PRKCA: variants seen among roughly 807,000 people sequenced by gnomAD.
PRKCA encodes protein kinase C alpha.
A neutral mutation model predicts 87.0 loss-of-function variants in PRKCA; 27 were observed. The observed-to-expected ratio is 0.31, with a 90% CI of 0.23 to 0.43. PRKCA has a LOEUF of 0.43. Ranked by LOEUF, PRKCA falls within the 20% of genes least tolerant of loss-of-function variation. PRKCA has a pLI of 1.00. For synonymous variants in PRKCA, 329 were observed against 311.1 expected, an observed-to-expected ratio of 1.06 and a Z score of -0.61; for missense variants, 518 against 852.3, an observed-to-expected ratio of 0.61 and a Z score of 4.88.
At chr17:66,503,632 CTA>C (rs1916846333) in intron 3 of PRKCA, among the ~76,000 whole-genome samples, 1 of 152,164 alleles carries the variant, frequency 6.6e-6, no homozygotes, top group African/African-American at 2.4e-5. Context: ...CCGTGGAGGA[CTA>C]TATGTCTAGA....
intron 3 of PRKCA, among the ~76,000 whole-genome samples, chr17:66,520,120 T>C (rs1428072299): frequency 2.1e-5 from 3 of 140,246 alleles, no homozygotes; most frequent in African/African-American, 8.7e-5. Flanking sequence ...CCATCCACAC[T>C]AATAATTTTT....
intron 5 of PRKCA, among the ~76,000 whole-genome samples, chr17:66,679,800 C>A (rs542675086): frequency 1.2e-4 from 19 of 152,322 alleles, no homozygotes; most frequent in African/African-American, 3.8e-4. Flanking sequence ...AATACATCAG[C>A]AAGCGAAAGT....
intron 13 of PRKCA, among the ~76,000 whole-genome samples, chr17:66,744,138 C>T (rs1258853923): frequency 6.6e-6 from 1 of 152,160 alleles, no homozygotes; most frequent in Admixed American, 6.5e-5. Context: ...GACACATAGA[C>T]TTCATTTAGA....
At chr17:66,695,331 C>T (rs116365783) in intron 8 of PRKCA, among the ~76,000 whole-genome samples, 2,121 of 152,306 alleles carry the variant, frequency 0.014, 49 homozygotes, top group African/African-American at 0.049. Context: ...TTTCACAAAA[C>T]GAAACATACG....
At chr17:66,581,257 T>G (rs1261147421) in intron 3 of PRKCA, among the ~76,000 whole-genome samples, 1 of 152,194 alleles carries the variant, frequency 6.6e-6, no homozygotes, top group African/African-American at 2.4e-5. Context: ...GCGCATATGG[T>G]CTTCGTTGCA....
Position 66,805,679 on chromosome 17 carries a change from C to T in PRKCA, c.*1642C>T, listed in dbSNP as rs555200375. The T allele has an allele frequency of 6.6e-6, 1 of 152,338 alleles. No individual in the cohort carries two copies. The highest frequency in any genetic ancestry group is 2.1e-4 in the South Asian group (1 of 4,824). 9.4% of individuals were successfully genotyped at this position (152,338 alleles called of 1,614,324 possible). On this transcript the variant is annotated 3_prime_UTR_variant, in exon 17 of 17. Coordinates refer to ENST00000413366, the MANE Select transcript of PRKCA (RefSeq NM_002737.3). ...TTAGTTTCTTCATGTCACCTTTCGTCCTGGTTCCTCCGCCACTCTTCCTCT... is the reference window on the plus strand; with the variant it reads ...TTAGTTTCTTCATGTCACCTTTCGTTCTGGTTCCTCCGCCACTCTTCCTCT...
chr17:66,419,606 T>A (rs1217816865), intron 2 of PRKCA, among the ~76,000 whole-genome samples: 1 of 152,192 alleles, frequency 6.6e-6, no homozygotes, highest in Non-Finnish European at 1.5e-5. Context: ...AAAATGCCCA[T>A]ATTGTATCTG....
intron 3 of PRKCA, among the ~76,000 whole-genome samples, chr17:66,546,330 T>A (rs1968143501): frequency 6.6e-6 from 1 of 152,224 alleles, no homozygotes. Flanking sequence ...GCTGTATTAG[T>A]TTCTAAGGCT....
At chr17:66,775,794 A>G (rs925198284) in intron 14 of PRKCA, 3 of 978,836 alleles carry the variant, frequency 3.1e-6, no homozygotes, top group Non-Finnish European at 3.6e-6. Flanking sequence ...GTGCATGGCC[A>G]TAAGGATGAA....
intron 8 of PRKCA, among the ~76,000 whole-genome samples, chr17:66,731,821 G>A: frequency 9.3e-6 from 1 of 108,054 alleles, no homozygotes; most frequent in Non-Finnish European, 1.7e-5. Context: ...GTCTTGCTCT[G>A]TCGCCAGGCT....
intron 5 of PRKCA, among the ~76,000 whole-genome samples, chr17:66,659,399 G>A (rs1971829567): frequency 6.6e-6 from 1 of 152,106 alleles, no homozygotes; most frequent in South Asian, 2.1e-4. Context: ...GCCATGAGGA[G>A]ACTCTGTGGA....
intron 3 of PRKCA, among the ~76,000 whole-genome samples, chr17:66,518,399 C>T (rs1373223898): frequency 3.3e-5 from 5 of 152,104 alleles, no homozygotes; most frequent in Non-Finnish European, 7.4e-5. Context: ...ACTCCTGTTT[C>T]GTAAGATATT....
chr17:66,514,713 C>G (rs1266407971), intron 3 of PRKCA, among the ~76,000 whole-genome samples: 2 of 151,958 alleles, frequency 1.3e-5, no homozygotes, highest in Non-Finnish European at 2.9e-5. Context: ...TACCCGTGCT[C>G]CAAGCAGGAG....
rs141331375 is a variant in PRKCA, at chr17:66,551,535, C to T, written c.288+55252C>T. Among the ~76,000 whole-genome samples, 277 of 152,330 alleles carry T rather than the reference C, an allele frequency of 1.8e-3. 1 individual carries two copies. Among genetic ancestry groups the T allele is most frequent in the African/African-American group, 6.3e-3 (260 of 41,570 alleles). On this transcript the variant is annotated intron_variant, in intron 3 of 16. Coordinates refer to ENST00000413366, the MANE Select transcript of PRKCA (RefSeq NM_002737.3). ...TTCCATCAGAGTGAGTAAGAGAGGG[C>T]GAGCCAGACGAAATCAGTCTTATAA...
chr17:66,735,437 C>T lies in PRKCA; in HGVS notation c.1057-52C>T, dbSNP rs1486425818. 6 of 1,605,734 alleles carry T rather than the reference C, an allele frequency of 3.7e-6. No homozygotes were observed. The African/African-American group carries it at 8.0e-5, about 21-fold the overall frequency. The stretch of plus-strand genomic sequence containing the variant: ...ACCTGGCCTGGTTCCTTCCCTCTGC[C>T]CCCCAAGATATGTGCTTACAAGTGT... On this transcript the variant is annotated intron_variant, in intron 9 of 16. Transcript: ENST00000413366.
At chr17:66,309,424 T>C (rs1904984355) in intron 2 of PRKCA, among the ~76,000 whole-genome samples, 1 of 152,210 alleles carries the variant, frequency 6.6e-6, no homozygotes, top group Non-Finnish European at 1.5e-5. Flanking sequence ...CTTATTCTCA[T>C]GTTCCCTTCA....
chr17:66,531,754 G>C (rs920649983), intron 3 of PRKCA, among the ~76,000 whole-genome samples: 1 of 152,150 alleles, frequency 6.6e-6, no homozygotes, highest in African/African-American at 2.4e-5. Flanking sequence ...GCAGGCCTCA[G>C]TCCTCAGGGT....
At chr17:66,653,683 G>A (rs947983675) in intron 5 of PRKCA, among the ~76,000 whole-genome samples, 1 of 151,312 alleles carries the variant, frequency 6.6e-6, no homozygotes, top group South Asian at 2.1e-4. Flanking sequence ...TGAGTGGGCC[G>A]TTTGCATTCT....
intron 2 of PRKCA, among the ~76,000 whole-genome samples, chr17:66,323,093 A>C (rs925818613): frequency 6.6e-6 from 1 of 152,154 alleles, no homozygotes; most frequent in Non-Finnish European, 1.5e-5. Flanking sequence ...AATAATTGCA[A>C]ATGTCCTTAA....
Sources: allele counts gnomAD v4.1 joint callset (sites outside exome capture counted in the v4.1 genomes callset), GRCh38; gene constraint gnomAD v4.1.1; transcripts MANE v1.5; gene names NCBI Gene and HGNC (gene_info 2026-07-23, HGNC 2026-07-21).